PSD3: variants seen among roughly 807,000 people sequenced by gnomAD.
PSD3 encodes pleckstrin and Sec7 domain containing 3.
PSD3 carries 49 observed loss-of-function variants against 105.5 expected under a neutral mutation model. The observed-to-expected ratio is 0.46, with a 90% CI of 0.37 to 0.59. PSD3 has a LOEUF of 0.59. Among genes scored for constraint, PSD3 ranks in the 20% least tolerant of loss-of-function variants. The pLI, the probability that PSD3 is intolerant of heterozygous loss-of-function variation, is 0.00. For synonymous variants in PSD3, 557 were observed against 457.8 expected, an observed-to-expected ratio of 1.22 and a Z score of -2.77; for missense variants, 1,561 against 1,263.8, an observed-to-expected ratio of 1.24 and a Z score of -3.57.
At chr8:18,668,346 A>G (rs1197823054) in intron 9 of PSD3, among the ~76,000 whole-genome samples, 3 of 152,248 alleles carry the variant, frequency 2.0e-5, no homozygotes, top group Non-Finnish European at 2.9e-5. Flanking sequence ...TGAATATTTC[A>G]TGTTTCGCCT....
At chr8:18,986,563 A>T (rs1825504843) in intron 1 of PSD3, among the ~76,000 whole-genome samples, 1 of 152,020 alleles carries the variant, frequency 6.6e-6, no homozygotes, top group Non-Finnish European at 1.5e-5. Flanking sequence ...TCTCAGCAAA[A>T]AAAAAAAAAA....
chr8:18,799,912 A>G lies in PSD3; in HGVS notation c.2024-559T>C, dbSNP rs573283072. Among the ~76,000 whole-genome samples the G allele has an allele frequency of 5.9e-5, 9 of 152,304 alleles. No homozygotes were observed. The South Asian group carries it at 1.9e-3, about 32-fold the overall frequency. ...TTCAGATGCAGTAAAAATCTTTTCA[A>G]TTTACGCTAAATTAGAAGGTCTAAT... is the stretch of plus-strand genomic sequence containing the variant. On this transcript the variant is annotated intron_variant, in intron 7 of 15. Transcript: ENST00000327040.
Position 18,782,275 on chromosome 8 carries a change from A to G in PSD3, c.2083-16737T>C, listed in dbSNP as rs1808709523. On this transcript the variant is annotated intron_variant, in intron 8 of 15. Coordinates refer to ENST00000327040, the MANE Select transcript of PSD3 (RefSeq NM_015310.4). ...TGTGTCCTTACATTTATATCTATGC[A>G]TCTGGTGTAACATTTGCTTCATCCA... is the stretch of plus-strand genomic sequence containing the variant. 2.6e-5 allele frequency among the ~76,000 whole-genome samples: 4 copies of G among 152,024 alleles called. No homozygotes were observed. The South Asian group carries it at 8.3e-4, about 32-fold the overall frequency.
At chr8:18,843,924 T>A (rs1227876402) in intron 4 of PSD3, among the ~76,000 whole-genome samples, 1 of 151,928 alleles carries the variant, frequency 6.6e-6, no homozygotes. Context: ...TATTTTTTTT[T>A]TTTTTTTTTT....
At chr8:18,715,235 C>T (rs1187577546) in intron 9 of PSD3, among the ~76,000 whole-genome samples, 1 of 152,078 alleles carries the variant, frequency 6.6e-6, no homozygotes, top group Non-Finnish European at 1.5e-5. Flanking sequence ...CACACGTTTA[C>T]CCATGTAACA....
chr8:19,022,939 ACT>A (rs1332908841), intron 1 of PSD3, among the ~76,000 whole-genome samples: 2 of 151,038 alleles, frequency 1.3e-5, no homozygotes, highest in Non-Finnish European at 2.9e-5. Flanking sequence ...TGTGTATTAC[ACT>A]GTCACCTCAG....
intron 10 of PSD3, among the ~76,000 whole-genome samples, chr8:18,643,576 T>C (rs1039732280): frequency 2.0e-5 from 3 of 152,152 alleles, no homozygotes; most frequent in Non-Finnish European, 2.9e-5. Flanking sequence ...GATGCTCCCA[T>C]TCCAAAAGGG....
chr8:18,881,323 T>C (rs894096996), intron 2 of PSD3, among the ~76,000 whole-genome samples: 1 of 152,144 alleles, frequency 6.6e-6, no homozygotes, highest in Non-Finnish European at 1.5e-5. Flanking sequence ...TGTAATAAAA[T>C]GAAATGAAAT....
intron 9 of PSD3, among the ~76,000 whole-genome samples, chr8:18,665,485 A>C (rs1329845060): frequency 6.6e-6 from 1 of 152,264 alleles, no homozygotes; most frequent in East Asian, 1.9e-4. Flanking sequence ...TGAGCAAAGA[A>C]AGTAGTTTCC....
chr8:18,541,048 G>C (rs2129967464), intron 15 of PSD3, among the ~76,000 whole-genome samples: 1 of 151,034 alleles, frequency 6.6e-6, no homozygotes, highest in South Asian at 2.1e-4. Flanking sequence ...ACATCACTTT[G>C]ACACTGAGGC....
intron 9 of PSD3, among the ~76,000 whole-genome samples, chr8:18,755,672 CT>C (rs1805977101): frequency 6.6e-6 from 1 of 151,626 alleles, no homozygotes; most frequent in Admixed American, 6.6e-5. Context: ...TTCCTTTTTT[CT>C]TTTTTTGGGG....
chr8:18,921,013 A>T (rs1035508968), intron 2 of PSD3, among the ~76,000 whole-genome samples: 4 of 152,192 alleles, frequency 2.6e-5, no homozygotes, highest in Admixed American at 2.6e-4. Context: ...CATAAATTCT[A>T]CCATAACAGA....
At chr8:18,782,096 T>A (rs1383566460) in intron 8 of PSD3, among the ~76,000 whole-genome samples, 1 of 152,168 alleles carries the variant, frequency 6.6e-6, no homozygotes, top group African/African-American at 2.4e-5. Context: ...TTTCTTTGCA[T>A]TGTTCATCTG....
chr8:18,754,297 T>C (rs1232478393), intron 9 of PSD3, among the ~76,000 whole-genome samples: 2 of 152,092 alleles, frequency 1.3e-5, no homozygotes, highest in African/African-American at 4.8e-5. Flanking sequence ...GACAGGGGAA[T>C]CACTTGAACC....
intron 9 of PSD3, among the ~76,000 whole-genome samples, chr8:18,741,795 TAAAAAAA>T (rs3042866): frequency 1.3e-5 from 1 of 79,686 alleles, no homozygotes; most frequent in Admixed American, 1.3e-4. Context: ...AATTTTATTG[TAAAAAAA>T]AAAAAAAAAA....
chr8:18,715,203 T>C (rs558271155), intron 9 of PSD3, among the ~76,000 whole-genome samples: 2 of 152,252 alleles, frequency 1.3e-5, no homozygotes, highest in South Asian at 2.1e-4. Context: ...GATGGGTTGA[T>C]AGGTGCAGCT....
At chr8:18,696,368 C>G (rs2898481) in intron 9 of PSD3, among the ~76,000 whole-genome samples, 139,552 of 152,246 alleles carry the variant, frequency 0.92, 64,474 homozygotes, top group Middle Eastern at 0.97. Context: ...CCATTTTATA[C>G]ATGGTTTTAG....
rs1164844731 is a variant in PSD3 at position 18,530,648 on chromosome 8, C to G, written c.*5095G>C. 1.3e-5 allele frequency: 2 copies of G among 150,560 alleles called. No individual in the cohort carries two copies. The highest frequency in any genetic ancestry group is 2.1e-4 in the South Asian group (1 of 4,784). 9.3% of individuals were successfully genotyped at this position (150,560 alleles called of 1,614,324 possible). On this transcript the variant is annotated 3_prime_UTR_variant, in exon 16 of 16. Coordinates refer to ENST00000327040, the MANE Select transcript of PSD3 (RefSeq NM_015310.4). ...AAAATTGTCAGTTTGACTTTAAGTG[C>G]TCTTAATACTAAAGTTACTAAGACT...
At chr8:18,695,782 A>G (rs1801223449) in intron 9 of PSD3, among the ~76,000 whole-genome samples, 1 of 152,176 alleles carries the variant, frequency 6.6e-6, no homozygotes, top group South Asian at 2.1e-4. Context: ...CAAGGACTAC[A>G]CTCTAGAAAG....
Sources: allele counts gnomAD v4.1 joint callset (sites outside exome capture counted in the v4.1 genomes callset), GRCh38; gene constraint gnomAD v4.1.1; transcripts MANE v1.5; gene names NCBI Gene and HGNC (gene_info 2026-07-23, HGNC 2026-07-21).